Variants in SERHL2 observed in about 807,000 individuals in gnomAD.
The protein encoded by SERHL2 is serine hydrolase like 2, also known as serine hydrolase-like protein 2.
Under a neutral mutation model 25.5 loss-of-function variants are expected in SERHL2, and 29 were observed. The observed-to-expected ratio is 1.14, with a 90% confidence interval of 0.85 to 1.55. The LOEUF (loss-of-function observed/expected upper bound fraction) is 1.55. SERHL2 is among the 40% of genes most tolerant of loss of function. The pLI, the probability that SERHL2 is intolerant of heterozygous loss-of-function variation, is 0.00. For missense variants in SERHL2, 240 were observed against 252.3 expected, an observed-to-expected ratio of 0.95 and a Z score of 0.33; for synonymous variants, 95 against 103.5, an observed-to-expected ratio of 0.92 and a Z score of 0.50.
intron 9 of SERHL2, among the ~76,000 whole-genome samples, chr22:42,566,618 C>G (rs879284393): frequency 4.0e-5 from 6 of 151,734 alleles, no homozygotes; most frequent in Non-Finnish European, 7.4e-5. Flanking sequence ...TCAATTTAAC[C>G]GTTTGTAAGT....
chr22:42,560,120 C>T, intron 7 of SERHL2, 66 bp from the exon 8 acceptor site: 1 of 1,262,346 alleles, frequency 7.9e-7, no homozygotes, highest in Admixed American at 1.7e-5. Flanking sequence ...CGGCCCTCCT[C>T]TCCTTTTTAT....
At chr22:42,561,889 G>C (rs371653465) in intron 8 of SERHL2, among the ~76,000 whole-genome samples, 1 of 151,794 alleles carries the variant, frequency 6.6e-6, no homozygotes, top group Non-Finnish European at 1.5e-5. Flanking sequence ...CATGCCTCAC[G>C]GATGGCTGAC....
chr22:42,565,604 T>C (rs1923270670), intron 8 of SERHL2, among the ~76,000 whole-genome samples: 1 of 151,646 alleles, frequency 6.6e-6, no homozygotes, highest in Non-Finnish European at 1.5e-5. Flanking sequence ...GATTACAGGC[T>C]TGAGCCACCA....
chr22:42,570,433 C>T (rs1293669831), intron 9 of SERHL2, among the ~76,000 whole-genome samples: 2 of 151,880 alleles, frequency 1.3e-5, no homozygotes, highest in Non-Finnish European at 2.9e-5. Flanking sequence ...AAATAAGGCT[C>T]TAACAATTGT....
chr22:42,563,965 G>T (rs1923017336), intron 8 of SERHL2, among the ~76,000 whole-genome samples: 1 of 118,364 alleles, frequency 8.4e-6, no homozygotes, highest in South Asian at 3.3e-4. Flanking sequence ...CCCAGCTACT[G>T]GGGAGGCTGA....
chr22:42,571,213 G>C lies in SERHL2; in HGVS notation c.731+10G>C, dbSNP rs780729005. The C allele has an allele frequency of 3.1e-6, 5 of 1,612,382 alleles. No homozygotes were observed. The East Asian group carries it at 1.1e-4, about 36-fold the overall frequency. On this transcript the variant is annotated intron_variant, in intron 10 of 11. Coordinates refer to ENST00000327678, the MANE Select transcript of SERHL2 (RefSeq NM_014509.5). ...ATGTCCTGTTGATCAAGTAAGTCTGGACCCATCCCCTTCAGCCACCCGCCA... is the reference window on the plus strand; with the variant it reads ...ATGTCCTGTTGATCAAGTAAGTCTGCACCCATCCCCTTCAGCCACCCGCCA...
intron 10 of SERHL2, 122 bp downstream of exon 10, chr22:42,571,325 C>T: frequency 6.6e-7 from 1 of 1,519,998 alleles, no homozygotes; most frequent in Non-Finnish European, 8.9e-7. Flanking sequence ...CGCTAAGGCT[C>T]AAGATCTTTT....
chr22:42,566,273 G>C, intron 8 of SERHL2, 31 bp from the exon 9 acceptor site: 1 of 1,608,242 alleles, frequency 6.2e-7, no homozygotes, highest in Non-Finnish European at 8.5e-7. Flanking sequence ...GGACAGCATT[G>C]ACGCTGCTGT....
intron 11 of SERHL2, 173 bp from the exon 12 acceptor site, chr22:42,573,763 G>A: frequency 1.4e-6 from 1 of 712,834 alleles, no homozygotes; most frequent in Non-Finnish European, 2.5e-6. Context: ...ACCTCCTGGG[G>A]TGCTATGGAC....
intron 10 of SERHL2, 83 bp downstream of exon 10, chr22:42,571,286 G>A (rs1340856266): frequency 2.5e-6 from 4 of 1,593,740 alleles, no homozygotes; most frequent in Admixed American, 3.5e-5. Flanking sequence ...CTGGCATGAG[G>A]CTCCAAGTTC....
intron 9 of SERHL2, among the ~76,000 whole-genome samples, chr22:42,567,809 C>T (rs1436257315): frequency 1.3e-5 from 2 of 151,728 alleles, no homozygotes; most frequent in Non-Finnish European, 2.9e-5. Context: ...CAGCTCACGG[C>T]AACCTTTGCC....
intron 10 of SERHL2, 84 bp from the exon 11 acceptor site, chr22:42,572,352 G>T (rs1452911946): frequency 3.4e-5 from 34 of 994,772 alleles, no homozygotes; most frequent in Non-Finnish European, 5.0e-5. Context: ...CTCCTCAGAG[G>T]CCTGAACCCA....
rs990098837 is a variant in SERHL2, at chr22:42,573,663, T to G, written c.826-273T>G. On this transcript the variant is annotated intron_variant, in intron 11 of 11. Coordinates refer to ENST00000327678, the MANE Select transcript of SERHL2 (RefSeq NM_014509.5). ...TCTTCTGATACAATCACAGCAACCCTGGCCTCGGCCCCGCCCTGTCCCTGC... is the reference window on the plus strand; with the variant it reads ...TCTTCTGATACAATCACAGCAACCCGGGCCTCGGCCCCGCCCTGTCCCTGC... The G allele has an allele frequency of 1.1e-5, 5 of 471,364 alleles. No individual in the cohort carries two copies. The Admixed American group carries it at 1.7e-4, about 16-fold the overall frequency. 29.2% of individuals were successfully genotyped at this position (471,364 alleles called of 1,614,324 possible). A position where few individuals can be genotyped will look rare whatever the true frequency, so the allele number is the denominator to read the frequency against.
At position 42,554,042 on chromosome 22, in the gene SERHL2, G is replaced by A. The variant is rs765260319; in HGVS notation, c.22G>A (p.Gly8Ser). 3.7e-6 allele frequency: 6 copies of A among 1,613,542 alleles called. No homozygotes were observed. The highest frequency in any genetic ancestry group is 4.5e-5 in the East Asian group (2 of 44,858). Residue 8 changes from glycine (G) to serine (S), a missense_variant and splice_region_variant, in exon 1 of 12, where the codon GGT (glycine) becomes AGT (serine). Gly to Ser is a moderately conservative substitution (Grantham distance 56). This residue lies in a region of SERHL2 where 18 missense variants were observed against 16.0 expected (regional missense o/e 1.12). Transcript: ENST00000327678. ...AGCGATGAGTGAGAACGCCGCACCA[G>A]GTCTGACGGGGAGGCCTTGTGCGAG... MSENAAPGLISELKLAVP... is the reference protein window; with the variant it reads MSENAAPSLISELKLAVP...
chr22:42,572,478 G>A lies in SERHL2; in HGVS notation c.774G>A (p.Glu258=). Residue 258 remains glutamate (E), a synonymous_variant, in exon 11 of 12, where the codon GAG becomes GAA. Coordinates refer to ENST00000327678, the MANE Select transcript of SERHL2 (RefSeq NM_014509.5). ...TTGATTCAAGACAGAATTACTCTGA[G>A]AAGGAGTCCCTGTCGTTCATGATAG... ...GYFDSRQNYS[E]KESLSFMIDT... is the part of the protein sequence containing the mutation. The A allele has an allele frequency of 1.2e-6, 2 of 1,612,118 alleles. No individual in the cohort carries two copies. The highest frequency in any genetic ancestry group is 1.7e-6 in the Non-Finnish European group (2 of 1,178,418).
At chr22:42,564,454 G>A (rs961353730) in intron 8 of SERHL2, among the ~76,000 whole-genome samples, 4 of 150,232 alleles carry the variant, frequency 2.7e-5, no homozygotes, top group Non-Finnish European at 5.9e-5. Context: ...TTTTTGAGAC[G>A]GGGTCTTGCT....
chr22:42,560,139 C>A, intron 7 of SERHL2, 47 bp from the exon 8 acceptor site: 1 of 1,475,238 alleles, frequency 6.8e-7, no homozygotes, highest in Non-Finnish European at 9.5e-7. Context: ...ATCTGACCTC[C>A]TTTTTATTGG....
chr22:42,571,010 G>C (rs1336523944), intron 9 of SERHL2, 111 bp from the exon 10 acceptor site: 1 of 1,527,222 alleles, frequency 6.5e-7, no homozygotes, highest in African/African-American at 1.4e-5. Flanking sequence ...CCCAGGGTGG[G>C]TGGCTAAGGT....
chr22:42,570,413 G>A (rs980231313), intron 9 of SERHL2, among the ~76,000 whole-genome samples: 17 of 152,016 alleles, frequency 1.1e-4, no homozygotes, highest in East Asian at 3.9e-4. Context: ...AGCAAAACTC[G>A]GTCTCAAATA....
Sources: allele counts gnomAD v4.1 joint callset (sites outside exome capture counted in the v4.1 genomes callset), GRCh38; gene constraint gnomAD v4.1.1; regional missense constraint gnomAD v4.1.1; transcripts MANE v1.5; gene names NCBI Gene and HGNC (gene_info 2026-07-23, HGNC 2026-07-21).